GRIP1: variants seen among roughly 807,000 people sequenced by gnomAD.
GRIP1 encodes the protein glutamate receptor interacting protein 1.
In GRIP1, 45 loss-of-function variants were observed where a neutral mutation model predicts 129.9. That is an observed-to-expected ratio of 0.35 (90% CI 0.27 to 0.44). GRIP1 has a LOEUF of 0.44. Among genes scored for constraint, GRIP1 ranks in the 20% least tolerant of loss-of-function variants. GRIP1 has a pLI of 1.00. For synonymous variants in GRIP1, 530 were observed against 520.8 expected (o/e 1.02, Z -0.24); for missense variants, 1,196 against 1,396.8 (o/e 0.86, Z 2.29).
chr12:66,449,030 T>C (rs1565748932), intron 11 of GRIP1, among the ~76,000 whole-genome samples: 1 of 152,218 alleles, frequency 6.6e-6, no homozygotes. Flanking sequence ...TCTTCATATA[T>C]ACTGTGCCCT....
chr12:66,948,048 A>T (rs1053701123), intron 1 of GRIP1, among the ~76,000 whole-genome samples: 1 of 152,242 alleles, frequency 6.6e-6, no homozygotes, highest in Admixed American at 6.5e-5. Context: ...ATGTCAGATC[A>T]CATCAAGATA....
chr12:66,356,696 C>A (rs538801538), intron 23 of GRIP1, among the ~76,000 whole-genome samples: 1 of 151,746 alleles, frequency 6.6e-6, no homozygotes, highest in Non-Finnish European at 1.5e-5. Context: ...AACACCAGTC[C>A]GCATGTCATT....
chr12:66,366,284 C>A (rs1460878419), intron 23 of GRIP1, among the ~76,000 whole-genome samples: 2 of 152,208 alleles, frequency 1.3e-5, no homozygotes, highest in Non-Finnish European at 2.9e-5. Flanking sequence ...CCTCCGAGGG[C>A]TGAGCCTGTT....
At chr12:66,815,523 G>A (rs2039190092) in intron 1 of GRIP1, among the ~76,000 whole-genome samples, 1 of 152,150 alleles carries the variant, frequency 6.6e-6, no homozygotes, top group African/African-American at 2.4e-5. Context: ...CACTTTGGGA[G>A]GCTGGGGTGA....
chr12:66,985,937 C>A (rs1003981541), intron 1 of GRIP1, among the ~76,000 whole-genome samples: 1 of 152,124 alleles, frequency 6.6e-6, no homozygotes, highest in Non-Finnish European at 1.5e-5. Flanking sequence ...AGTTTTGTGT[C>A]TAAAATTCAG....
intron 2 of GRIP1, among the ~76,000 whole-genome samples, chr12:66,557,413 C>A (rs374946008): frequency 1.3e-5 from 2 of 152,082 alleles, no homozygotes; most frequent in African/African-American, 4.8e-5. Flanking sequence ...GACAAATCAT[C>A]CAGACATAAA....
At chr12:66,523,906 C>G (rs1253606799) in intron 5 of GRIP1, among the ~76,000 whole-genome samples, 1 of 152,034 alleles carries the variant, frequency 6.6e-6, no homozygotes, top group Non-Finnish European at 1.5e-5. Flanking sequence ...AGACTTTAAA[C>G]CAACAAAGAT....
rs1592621483 is a variant in GRIP1 at position 66,596,920 on chromosome 12, A to G, written c.63T>C (p.Ser21=). ...TCTGGCTGGCGGATTTAGTGTAGGGACTCTCATCTGCAAAGGTACAATGAA... is the reference window on the plus strand; with the variant it reads ...TCTGGCTGGCGGATTTAGTGTAGGGGCTCTCATCTGCAAAGGTACAATGAA... ...QILRRLTKDE[S]PYTKSASQTK... The change falls in exon 2 of 25, where the codon AGT becomes AGC. Residue 21 remains serine, a synonymous_variant. Coordinates refer to ENST00000359742, the MANE Select transcript of GRIP1 (RefSeq NM_001366722.1). The G allele has an allele frequency of 6.2e-7, 1 of 1,609,668 alleles. No homozygotes were observed. The highest frequency in any genetic ancestry group is 1.3e-5 in the African/African-American group (1 of 74,836).
intron 1 of GRIP1, among the ~76,000 whole-genome samples, chr12:66,983,347 T>C (rs1482587515): frequency 1.3e-5 from 2 of 152,192 alleles, no homozygotes; most frequent in African/African-American, 4.8e-5. Context: ...AAGTGCTCTG[T>C]TCTTATAAAA....
intron 1 of GRIP1, among the ~76,000 whole-genome samples, chr12:66,729,157 G>C (rs1441070925): frequency 6.6e-6 from 1 of 151,794 alleles, no homozygotes; most frequent in East Asian, 1.9e-4. Context: ...AGGGTAGCTG[G>C]GACTATAGAT....
At chr12:66,866,900 G>A (rs61928293) in intron 1 of GRIP1, among the ~76,000 whole-genome samples, 38,562 of 151,886 alleles carry the variant, frequency 0.25, 5,170 homozygotes, top group East Asian at 0.46. Context: ...ATATACTTCA[G>A]AATATCATGT....
intron 24 of GRIP1, among the ~76,000 whole-genome samples, chr12:66,352,437 A>G (rs2054275509): frequency 6.6e-6 from 1 of 152,190 alleles, no homozygotes; most frequent in African/African-American, 2.4e-5. Flanking sequence ...CTGAAGCTAG[A>G]GAGTATACGA....
At chr12:66,831,992 GCA>G (rs1190862187) in intron 1 of GRIP1, among the ~76,000 whole-genome samples, 2 of 152,072 alleles carry the variant, frequency 1.3e-5, no homozygotes, top group Non-Finnish European at 2.9e-5. Flanking sequence ...CAATCATTCT[GCA>G]CTACCTCATG....
At chr12:66,659,377 G>A (rs1221667276) in intron 1 of GRIP1, among the ~76,000 whole-genome samples, 1 of 152,204 alleles carries the variant, frequency 6.6e-6, no homozygotes, top group Non-Finnish European at 1.5e-5. Context: ...TCACCACCCA[G>A]AGTTTTATCT....
chr12:66,674,681 G>A (rs538038365), intron 1 of GRIP1, among the ~76,000 whole-genome samples: 6 of 152,140 alleles, frequency 3.9e-5, no homozygotes, highest in Admixed American at 2.6e-4. Context: ...AGTCCTAGAC[G>A]AATGTCTGAC....
Position 66,497,797 on chromosome 12 carries a change from C to T in GRIP1, c.724+17822G>A, listed in dbSNP as rs965818933. On this transcript the variant is annotated intron_variant, in intron 7 of 24. Transcript: ENST00000359742. ...TGTACGTCAGGCCTCTGAGCCCAAG[C>T]CAAGCCATCGCATCCCCTGTGACTT... 4.6e-5 allele frequency among the ~76,000 whole-genome samples: 7 copies of T among 152,250 alleles called. No homozygotes were observed. The South Asian group carries it at 1.0e-3, about 23-fold the overall frequency.
At chr12:67,025,571 C>G (rs1210185908) in intron 1 of GRIP1, among the ~76,000 whole-genome samples, 1 of 152,172 alleles carries the variant, frequency 6.6e-6, no homozygotes, top group Admixed American at 6.5e-5. Context: ...ACGTGCATTA[C>G]AGAGTCAGTC....
At chr12:66,971,259 A>ATAGTTC (rs2042072219) in intron 1 of GRIP1, among the ~76,000 whole-genome samples, 3 of 152,104 alleles carry the variant, frequency 2.0e-5, no homozygotes, top group Admixed American at 2.0e-4. Flanking sequence ...GAGATTGCTG[A>ATAGTTC]CAGTTCCAGG....
In GRIP1 at chr12:66,392,669, C is replaced by G. The variant is rs755396456; in HGVS notation, c.2269+8G>C. The G allele has an allele frequency of 6.2e-7, 1 of 1,613,878 alleles. No homozygotes were observed. Among genetic ancestry groups the G allele is most frequent in the African/African-American group, 1.3e-5 (1 of 74,942 alleles). On this transcript the variant is annotated splice_region_variant and intron_variant, in intron 18 of 24. Transcript: ENST00000359742. ...ATCCTTAATTGTGGCTTTCAATTCA[C>G]TACTCACCATCTGTCTGTTTCTTAA...
Sources: gnomAD v4.1 joint callset for allele counts (sites outside exome capture counted in the v4.1 genomes callset) on GRCh38, gnomAD v4.1.1 for gene constraint, MANE v1.5 for transcripts, NCBI Gene and HGNC (gene_info 2026-07-23, HGNC 2026-07-21) for gene names.